Variants in OPHN1 observed in about 807,000 individuals in gnomAD.
OPHN1 encodes oligophrenin-1.
OPHN1 carries 11 observed loss-of-function variants against 60.7 expected under a neutral mutation model. The ratio of observed to expected loss-of-function variants is 0.18; its 90% CI spans 0.11 to 0.30. The LOEUF is 0.30. Ranked by LOEUF, OPHN1 falls within the 10% of genes least tolerant of loss-of-function variation. The probability of loss-of-function intolerance (pLI) is 1.00; values close to 1 mark genes in which losing one functional copy is unlikely to be tolerated. For synonymous variants in OPHN1, 226 were observed against 222.6 expected (o/e 1.02, Z -0.14); for missense variants, 449 against 611.0 (o/e 0.73, Z 2.80).
intron 6 of OPHN1, among the ~76,000 whole-genome samples, chrX:68,220,512 C>T (rs1481853283): frequency 9.7e-6 from 1 of 102,696 alleles, no homozygotes; most frequent in African/African-American, 3.5e-5. Context: ...CCTTGATGAA[C>T]ATTGATGCAA....
rs773414487 is a variant in OPHN1, at chrX:68,324,549, C to CT, written c.155-25454dup. ...ATCACTTGAGCCTGGGAGTTCAAGG[C>CT]TGCAGTGTCAGATGTGTTCATGCTA... On this transcript the variant is annotated intron_variant, in intron 2 of 24. Transcript: ENST00000355520. Among the ~76,000 whole-genome samples, 7 of 105,801 alleles carry CT rather than the reference C, an allele frequency of 6.6e-5. No homozygotes were observed. The East Asian group carries it at 1.8e-3, about 27-fold the overall frequency. 91.9% of individuals were successfully genotyped at this position (105,801 alleles called of 115,157 possible). A position where few individuals can be genotyped will look rare whatever the true frequency, so the allele number is the denominator to read the frequency against.
intron 2 of OPHN1, among the ~76,000 whole-genome samples, chrX:68,334,812 C>T (rs1253351071): frequency 1.8e-5 from 2 of 109,162 alleles, no homozygotes; most frequent in African/African-American, 6.7e-5. Flanking sequence ...CCCATCTCTA[C>T]AAAAAATACA....
intron 23 of OPHN1, among the ~76,000 whole-genome samples, chrX:68,051,798 G>A (rs1397621342): frequency 8.9e-6 from 1 of 112,367 alleles, no homozygotes; most frequent in Non-Finnish European, 1.9e-5. Context: ...AGACATATGT[G>A]CTTGTGAGAG....
At chrX:68,226,959 C>T (rs759850633) in intron 6 of OPHN1, among the ~76,000 whole-genome samples, 1 of 111,480 alleles carries the variant, frequency 9.0e-6, no homozygotes, top group Non-Finnish European at 1.9e-5. Context: ...AGTCAAGTCC[C>T]ATCATTGTGC....
intron 2 of OPHN1, among the ~76,000 whole-genome samples, chrX:68,324,957 C>G (rs7892666): frequency 0.081 from 8,807 of 108,579 alleles, 906 homozygotes; most frequent in African/African-American, 0.28. Context: ...AGGCTGAGGT[C>G]GGAGGATCAC....
chrX:68,247,846 A>G (rs1467458561), intron 5 of OPHN1, among the ~76,000 whole-genome samples: 2 of 110,221 alleles, frequency 1.8e-5, no homozygotes, highest in Admixed American at 2.0e-4. Context: ...GGGAGGTTGC[A>G]ATGAGCTGAG....
Position 68,234,595 on chromosome X carries a change from G to GT in OPHN1, c.385-8dup. On this transcript the variant is annotated splice_polypyrimidine_tract_variant and splice_region_variant and intron_variant, in intron 5 of 24. Transcript: ENST00000355520. ...CAAATTTCTTTTTCCGCTCCTAAAG[G>GT]TGGGAAAGAAGGGCAAAGATTAAAT... The GT allele has an allele frequency of 2.6e-6, 3 of 1,150,197 alleles. No individual in the cohort carries two copies. In the South Asian group the frequency reaches 5.4e-5, roughly 21 times the overall value. The allele number at this position is 1,150,197 out of a possible 1,213,427, so 94.8% of individuals were successfully genotyped here. A position where few individuals can be genotyped will look rare whatever the true frequency, so the allele number is the denominator to read the frequency against.
At chrX:68,188,305 A>T (rs1180555092) in intron 15 of OPHN1, among the ~76,000 whole-genome samples, 1 of 112,439 alleles carries the variant, frequency 8.9e-6, no homozygotes, top group Non-Finnish European at 1.9e-5. Context: ...TATTTCTAAA[A>T]GTTTTTGAAC....
At chrX:68,113,905 G>GGTGT (rs1399071731) in intron 16 of OPHN1, among the ~76,000 whole-genome samples, 47 of 103,906 alleles carry the variant, frequency 4.5e-4, no homozygotes, top group Non-Finnish European at 7.7e-4. Flanking sequence ...CATGGCACAA[G>GGTGT]TATACATATG....
In OPHN1 at chrX:68,393,262, A is replaced by C. The variant is rs987731356; in HGVS notation, c.154+39605T>G. Among the ~76,000 whole-genome samples the C allele has an allele frequency of 4.5e-5, 5 of 112,359 alleles. No homozygotes were observed. In the East Asian group the frequency reaches 1.4e-3, roughly 32 times the overall value. On this transcript the variant is annotated intron_variant, in intron 2 of 24. Transcript: ENST00000355520. Reference sequence around the variant, plus strand: ...TCTGGGCAACACTGCCTCTTTAAAAAACAAAACAAAACAAACAAAAAAACA... The same window carrying C: ...TCTGGGCAACACTGCCTCTTTAAAACACAAAACAAAACAAACAAAAAAACA...
At chrX:68,232,504 G>C (rs1288752116) in intron 6 of OPHN1, among the ~76,000 whole-genome samples, 2 of 111,713 alleles carry the variant, frequency 1.8e-5, no homozygotes, top group Admixed American at 1.9e-4. Context: ...AAGAGAATGA[G>C]TAGCTTAGGG....
At chrX:68,380,670 C>T (rs2078591547) in intron 2 of OPHN1, among the ~76,000 whole-genome samples, 1 of 111,230 alleles carries the variant, frequency 9.0e-6, no homozygotes, top group Non-Finnish European at 1.9e-5. Context: ...TTTATTTCTG[C>T]CTTCATTTCG....
chrX:68,214,172 C>A (rs781730486), intron 6 of OPHN1, among the ~76,000 whole-genome samples, 200 bp from the exon 7 acceptor site: 4 of 112,107 alleles, frequency 3.6e-5, no homozygotes, highest in African/African-American at 9.7e-5. Context: ...TGGTCCAACA[C>A]ATAAAAAGCT....
intron 15 of OPHN1, among the ~76,000 whole-genome samples, chrX:68,175,350 T>C (rs781503916): frequency 1.8e-5 from 2 of 111,570 alleles, no homozygotes; most frequent in Non-Finnish European, 3.8e-5. Context: ...ATTGGTTATA[T>C]TTATAATATG....
At chrX:68,054,502 G>A (rs1261095271) in intron 21 of OPHN1, among the ~76,000 whole-genome samples, 2 of 110,157 alleles carry the variant, frequency 1.8e-5, no homozygotes, top group African/African-American at 3.3e-5. Flanking sequence ...GTTCATACTC[G>A]TTGATCCAGT....
At position 68,276,010 on chromosome X, in the gene OPHN1, C is replaced by A. The variant is rs143233304; in HGVS notation, c.313-1201G>T. Among the ~76,000 whole-genome samples, 712 of 110,185 alleles carry A rather than the reference C, an allele frequency of 6.5e-3. 3 individuals are homozygous for A. Among genetic ancestry groups the A allele is most frequent in the South Asian group, 0.011 (28 of 2,569 alleles). On this transcript the variant is annotated intron_variant, in intron 4 of 24. Coordinates refer to ENST00000355520, the MANE Select transcript of OPHN1 (RefSeq NM_002547.3). Reference sequence around the variant, plus strand: ...TGCTATCATCCAGGACAGCCAGCACCCAGCAAAAAAAAATATAAAACTAGG... The same window carrying A: ...TGCTATCATCCAGGACAGCCAGCACACAGCAAAAAAAAATATAAAACTAGG...
chrX:68,219,288 G>T (rs1293918236), intron 6 of OPHN1, among the ~76,000 whole-genome samples: 1 of 80,953 alleles, frequency 1.2e-5, no homozygotes, highest in Non-Finnish European at 2.4e-5. Context: ...AGCAAGTCCT[G>T]AGTGACCTAC....
At chrX:68,394,021 G>A (rs368104492) in intron 2 of OPHN1, among the ~76,000 whole-genome samples, 12 of 98,719 alleles carry the variant, frequency 1.2e-4, no homozygotes, top group African/African-American at 4.0e-4. Flanking sequence ...TCAGCCTCCC[G>A]AGTAGCTGGG....
intron 15 of OPHN1, among the ~76,000 whole-genome samples, chrX:68,185,347 T>A (rs1024448556): frequency 1.2e-4 from 13 of 112,224 alleles, no homozygotes; most frequent in African/African-American, 4.2e-4. Flanking sequence ...AAGTATTCAT[T>A]AATTCCACAA....
Sources: gnomAD v4.1 joint callset for allele counts (sites outside exome capture counted in the v4.1 genomes callset) on GRCh38, gnomAD v4.1.1 for gene constraint, MANE v1.5 for transcripts, NCBI Gene and HGNC (gene_info 2026-07-23, HGNC 2026-07-21) for gene names.